Variants in EPHA5 observed in about 807,000 individuals in gnomAD.
EPHA5 encodes the protein EPH receptor A5, also known as ephrin type-A receptor 5.
Under a neutral mutation model 105.0 loss-of-function variants are expected in EPHA5, and 60 were observed. The observed-to-expected ratio is 0.57, with a 90% CI of 0.46 to 0.71. The LOEUF is 0.71. EPHA5 is among the 30% of genes least tolerant of loss of function. The pLI is 0.00. For synonymous variants in EPHA5, 513 were observed against 449.1 expected (o/e 1.14, Z -1.80); for missense variants, 1,218 against 1,274.7 (o/e 0.96, Z 0.68).
chr4:65,482,971 A>C (rs1317241706), intron 5 of EPHA5, among the ~76,000 whole-genome samples: 5 of 151,714 alleles, frequency 3.3e-5, no homozygotes, highest in Admixed American at 1.3e-4. Flanking sequence ...TTGACTCGTC[A>C]TTTACATTAG....
chr4:65,479,052 G>A (rs1056913240), intron 5 of EPHA5, among the ~76,000 whole-genome samples: 43 of 152,028 alleles, frequency 2.8e-4, no homozygotes, highest in African/African-American at 9.4e-4. Context: ...TATTCATGAA[G>A]TCTAAAACCT....
At position 65,349,182 on chromosome 4, in the gene EPHA5, C is replaced by A. The variant is rs370531996; in HGVS notation, c.2446-979G>T. ...CGTTGTGTTATTTCTTTTAGACTTG[C>A]TTTTCTCTTTTCCTCTGTTGTCTTA... is the stretch of plus-strand genomic sequence containing the variant. On this transcript the variant is annotated intron_variant, in intron 13 of 16. Transcript: ENST00000613740. Among the ~76,000 whole-genome samples the A allele has an allele frequency of 4.7e-3, 718 of 152,006 alleles. 11 individuals are homozygous for A. Among genetic ancestry groups the A allele is most frequent in the African/African-American group, 0.017 (693 of 41,466 alleles).
At chr4:65,468,880 C>T (rs62298054) in intron 5 of EPHA5, among the ~76,000 whole-genome samples, 19,675 of 151,504 alleles carry the variant, frequency 0.13, 1,795 homozygotes, top group East Asian at 0.4. Flanking sequence ...TCCATTTACT[C>T]TCCATTTTGT....
chr4:65,324,145 A>T lies in EPHA5; in HGVS notation c.3020T>A (p.Val1007Glu), dbSNP rs1465144174. Residue 1007 changes from valine to glutamate, a missense_variant, in exon 17 of 17, where the codon GTG becomes GAG. Val to Glu is a moderately radical substitution (Grantham distance 121). Coordinates refer to ENST00000613740, the MANE Select transcript of EPHA5 (RefSeq NM_001281766.3). ...KIMNSLQEMK[V>E]QLVNGMVPL is the part of the protein sequence containing the mutation. ...TGGCACCATTCCGTTTACCAGCTGC[A>T]CCTTCATTTCTTGAAGGCTGTTCAT... The T allele has an allele frequency of 1.2e-6, 2 of 1,609,064 alleles. No individual in the cohort carries two copies. Among genetic ancestry groups the T allele is most frequent in the South Asian group, 2.2e-5 (2 of 90,898 alleles).
At chr4:65,615,054 A>G (rs1745107127) in intron 2 of EPHA5, among the ~76,000 whole-genome samples, 2 of 151,996 alleles carry the variant, frequency 1.3e-5, no homozygotes, top group South Asian at 2.1e-4. Context: ...AAAGAATGCA[A>G]TTATGCTAAA....
At chr4:65,572,534 A>G (rs762619642) in intron 3 of EPHA5, among the ~76,000 whole-genome samples, 3 of 152,216 alleles carry the variant, frequency 2.0e-5, no homozygotes, top group African/African-American at 7.2e-5. Context: ...CAAAAGACAC[A>G]CATCAATTTT....
intron 3 of EPHA5, among the ~76,000 whole-genome samples, chr4:65,558,836 G>A (rs1234018899): frequency 6.6e-6 from 1 of 152,094 alleles, no homozygotes; most frequent in East Asian, 1.9e-4. Flanking sequence ...TTTTATTCAA[G>A]ATGCCAATGC....
At chr4:65,641,535 A>G (rs1055510636) in intron 2 of EPHA5, among the ~76,000 whole-genome samples, 1 of 152,184 alleles carries the variant, frequency 6.6e-6, no homozygotes, top group South Asian at 2.1e-4. Context: ...AAACATTTTA[A>G]GTCTATATGT....
chr4:65,573,179 A>C (rs928292177), intron 3 of EPHA5, among the ~76,000 whole-genome samples: 2 of 152,016 alleles, frequency 1.3e-5, no homozygotes, highest in African/African-American at 4.8e-5. Context: ...TGGGAGGCCG[A>C]GGCAGGTGGA....
intron 3 of EPHA5, among the ~76,000 whole-genome samples, chr4:65,575,542 T>A (rs1364916773): frequency 2.6e-5 from 4 of 152,194 alleles, no homozygotes; most frequent in African/African-American, 7.2e-5. Flanking sequence ...TGTTGCCATT[T>A]CACCTTCCTT....
At chr4:65,418,524 T>G (rs546923559) in intron 6 of EPHA5, among the ~76,000 whole-genome samples, 1 of 152,302 alleles carries the variant, frequency 6.6e-6, no homozygotes, top group South Asian at 2.1e-4. Flanking sequence ...TTTTGGTGAA[T>G]AATGTATTTA....
At chr4:65,360,506 T>C (rs1717183476) in intron 11 of EPHA5, among the ~76,000 whole-genome samples, 1 of 151,644 alleles carries the variant, frequency 6.6e-6, no homozygotes, top group Non-Finnish European at 1.5e-5. Context: ...GATAAGGTAT[T>C]TAACTTTTTT....
intron 3 of EPHA5, among the ~76,000 whole-genome samples, chr4:65,513,574 A>AG (rs1033261709): frequency 8.6e-5 from 13 of 151,862 alleles, no homozygotes; most frequent in African/African-American, 2.2e-4. Context: ...CTCAGTAGAG[A>AG]GGGGGGTTTT....
rs536201876 is a variant in EPHA5 at position 65,385,564 on chromosome 4, T to C, written c.1794-18140A>G. 3.9e-5 allele frequency among the ~76,000 whole-genome samples: 6 copies of C among 152,052 alleles called. No individual in the cohort carries two copies. The South Asian group carries it at 1.2e-3, about 32-fold the overall frequency. ...TTCCATGCAACTACATTCTGTTTTTTATTAGTATTGATCAGTAGCATTAAA... is the reference window on the plus strand; with the variant it reads ...TTCCATGCAACTACATTCTGTTTTTCATTAGTATTGATCAGTAGCATTAAA... On this transcript the variant is annotated intron_variant, in intron 8 of 16. Transcript: ENST00000613740.
At chr4:65,465,454 A>T (rs1728531730) in intron 5 of EPHA5, among the ~76,000 whole-genome samples, 1 of 138,216 alleles carries the variant, frequency 7.2e-6, no homozygotes, top group Non-Finnish European at 1.5e-5. Flanking sequence ...GAAAGAAAGA[A>T]AGAAAAGAAA....
At chr4:65,418,291 A>G (rs1446183680) in intron 6 of EPHA5, among the ~76,000 whole-genome samples, 1 of 152,202 alleles carries the variant, frequency 6.6e-6, no homozygotes, top group African/African-American at 2.4e-5. Flanking sequence ...TAAGAAATAT[A>G]AACCTTAATT....
intron 2 of EPHA5, among the ~76,000 whole-genome samples, chr4:65,617,561 C>A (rs1335543104): frequency 6.6e-6 from 1 of 152,112 alleles, no homozygotes; most frequent in Non-Finnish European, 1.5e-5. Flanking sequence ...AATTACTTAT[C>A]CCTCCTTTTC....
At chr4:65,412,542 G>GA (rs1723012202) in intron 7 of EPHA5, among the ~76,000 whole-genome samples, 1 of 151,966 alleles carries the variant, frequency 6.6e-6, no homozygotes, top group African/African-American at 2.4e-5. Context: ...TATATGAGTA[G>GA]AAAATAAGAT....
intron 11 of EPHA5, among the ~76,000 whole-genome samples, chr4:65,359,941 T>TA (rs1312196114): frequency 6.6e-6 from 1 of 151,570 alleles, no homozygotes; most frequent in African/African-American, 2.4e-5. Context: ...ACTACATCGT[T>TA]AATCTAAATT....
Sources: gnomAD v4.1 joint callset for allele counts (sites outside exome capture counted in the v4.1 genomes callset) on GRCh38, gnomAD v4.1.1 for gene constraint, MANE v1.5 for transcripts, NCBI Gene and HGNC (gene_info 2026-07-23, HGNC 2026-07-21) for gene names.